The following LMBR1 variants were observed in gnomAD, a reference collection of about 807,000 sequenced individuals.
LMBR1 encodes limb development membrane protein 1, also known as limb region 1 protein homolog.
In LMBR1, 52 loss-of-function variants were observed where a neutral mutation model predicts 73.9. The observed-to-expected ratio is 0.70, with a 90% CI of 0.56 to 0.89. The LOEUF (loss-of-function observed/expected upper bound fraction) is 0.89. LMBR1 is among the 40% of genes least tolerant of loss of function. The pLI is 0.00. For synonymous variants in LMBR1, 215 were observed against 209.4 expected (o/e 1.03, Z -0.23); for missense variants, 539 against 579.8 (o/e 0.93, Z 0.72).
At chr7:156,818,448 C>T (rs959748727) in intron 4 of LMBR1, among the ~76,000 whole-genome samples, 2 of 152,280 alleles carry the variant, frequency 1.3e-5, no homozygotes, top group Admixed American at 6.5e-5. Context: ...CAAAATTGGG[C>T]CCCACTGGGG....
chr7:156,830,066 G>C (rs895554846), intron 3 of LMBR1, among the ~76,000 whole-genome samples: 6 of 152,078 alleles, frequency 3.9e-5, no homozygotes, highest in African/African-American at 1.4e-4. Flanking sequence ...AAATCCATCA[G>C]ATCCTTTTTA....
At chr7:156,684,265 T>G (rs1028734717) in intron 16 of LMBR1, 102 bp from the exon 17 acceptor site, 3 of 934,478 alleles carry the variant, frequency 3.2e-6, no homozygotes, top group East Asian at 2.4e-5. Context: ...TAAGTGTTAT[T>G]TGGAAAGCTG....
At chr7:156,687,564 G>A (rs769256666) in intron 16 of LMBR1, among the ~76,000 whole-genome samples, 7 of 152,062 alleles carry the variant, frequency 4.6e-5, no homozygotes, top group Non-Finnish European at 5.9e-5. Flanking sequence ...GAATGCTAAC[G>A]TTTTCATCTT....
In LMBR1 at chr7:156,680,405, T is replaced by G. The variant is rs62491036; in HGVS notation, c.*3673A>C. ...GAGAGAGAGAGAGAGAGAGAGAGAG[T>G]GTGTGTGTGTGTGTGTGTGTAATGG... is the stretch of plus-strand genomic sequence containing the variant. On this transcript the variant is annotated 3_prime_UTR_variant, in exon 17 of 17. Transcript: ENST00000353442. 1 of 45,940 alleles carries G rather than the reference T, an allele frequency of 2.2e-5. No individual in the cohort carries two copies. Among genetic ancestry groups the G allele is most frequent in the Admixed American group, 2.5e-4 (1 of 3,954 alleles). 2.8% of individuals were successfully genotyped at this position (45,940 alleles called of 1,614,324 possible). A position where few individuals can be genotyped will look rare whatever the true frequency, so the allele number is the denominator to read the frequency against.
chr7:156,889,375 A>G (rs1586496710), intron 1 of LMBR1, among the ~76,000 whole-genome samples: 1 of 118,388 alleles, frequency 8.4e-6, no homozygotes, highest in South Asian at 2.8e-4. Flanking sequence ...ATATATATAT[A>G]TCTTATTATG....
intron 1 of LMBR1, among the ~76,000 whole-genome samples, chr7:156,886,684 G>C (rs896651010): frequency 2.0e-5 from 3 of 152,132 alleles, no homozygotes; most frequent in African/African-American, 7.2e-5. Context: ...CTTATCTGGA[G>C]GCCAGTGCTT....
chr7:156,809,961 A>G (rs1323909555), intron 4 of LMBR1, among the ~76,000 whole-genome samples: 1 of 151,900 alleles, frequency 6.6e-6, no homozygotes, highest in African/African-American at 2.4e-5. Context: ...GTTTCCAAAT[A>G]TTTTTCTCAA....
Position 156,709,896 on chromosome 7 carries a change from ATTTTTTT to A in LMBR1, c.1225+14209_1225+14215del, listed in dbSNP as rs34487923. On this transcript the variant is annotated intron_variant, in intron 15 of 16. Coordinates refer to ENST00000353442, the MANE Select transcript of LMBR1 (RefSeq NM_022458.4). ...GCCAGTTAAAGAATTCAGAAGGTTGATTTTTTTTTTTTTTTTTTTTTTTTTTGAGATG... is the reference window on the plus strand; with the variant it reads ...GCCAGTTAAAGAATTCAGAAGGTTGATTTTTTTTTTTTTTTTTTTGAGATG... 4.8e-4 allele frequency among the ~76,000 whole-genome samples: 43 copies of A among 90,350 alleles called. 2 individuals are homozygous for A. Among genetic ancestry groups the A allele is most frequent in the Admixed American group, 4.1e-3 (30 of 7,394 alleles). The allele number at this position is 90,350 out of a possible 152,430, so 59.3% of individuals were successfully genotyped here.
intron 4 of LMBR1, among the ~76,000 whole-genome samples, chr7:156,818,221 G>T (rs1438310323): frequency 6.6e-6 from 1 of 152,106 alleles, no homozygotes; most frequent in African/African-American, 2.4e-5. Flanking sequence ...ACTTAAAAAT[G>T]AATTTTAAAA....
At chr7:156,743,747 T>C (rs553638755) in intron 9 of LMBR1, among the ~76,000 whole-genome samples, 2 of 152,336 alleles carry the variant, frequency 1.3e-5, no homozygotes, top group South Asian at 2.1e-4. Flanking sequence ...TTTTTAATAC[T>C]CATACTTAGA....
intron 3 of LMBR1, among the ~76,000 whole-genome samples, chr7:156,830,051 C>T (rs757492649): frequency 5.3e-5 from 8 of 152,190 alleles, no homozygotes; most frequent in South Asian, 2.1e-4. Context: ...GTGCTCCTTA[C>T]GGTCAAATCC....
chr7:156,829,864 G>A (rs1427761543), intron 3 of LMBR1, among the ~76,000 whole-genome samples: 3 of 152,128 alleles, frequency 2.0e-5, no homozygotes, highest in Admixed American at 6.5e-5. Flanking sequence ...TTGCTTCACC[G>A]GTTAGTCATC....
intron 1 of LMBR1, among the ~76,000 whole-genome samples, chr7:156,881,801 C>A (rs1326484607): frequency 2.0e-5 from 3 of 148,080 alleles, no homozygotes; most frequent in African/African-American, 7.6e-5. Flanking sequence ...GTTAGGATGG[C>A]TATGATTAAA....
chr7:156,720,424 T>C (rs962592342), intron 15 of LMBR1, among the ~76,000 whole-genome samples: 1 of 152,184 alleles, frequency 6.6e-6, no homozygotes, highest in Non-Finnish European at 1.5e-5. Context: ...ACAGGGCTGT[T>C]TGCCCTGAAA....
At chr7:156,714,841 T>C (rs1812861498) in intron 15 of LMBR1, among the ~76,000 whole-genome samples, 1 of 152,088 alleles carries the variant, frequency 6.6e-6, no homozygotes, top group Non-Finnish European at 1.5e-5. Flanking sequence ...AAGACTGACT[T>C]ACTAAAAACA....
intron 1 of LMBR1, among the ~76,000 whole-genome samples, chr7:156,839,193 G>A (rs771670703): frequency 1.3e-5 from 2 of 151,638 alleles, no homozygotes; most frequent in African/African-American, 2.4e-5. Context: ...GGGACTACAG[G>A]CTCACACCAC....
chr7:156,718,333 G>C (rs1813688284), intron 15 of LMBR1, among the ~76,000 whole-genome samples: 1 of 151,518 alleles, frequency 6.6e-6, no homozygotes, highest in African/African-American at 2.4e-5. Context: ...CCAGGAGGCA[G>C]AGGTTACAGT....
chr7:156,736,475 A>T (rs543385511), intron 9 of LMBR1: 1 of 456,300 alleles, frequency 2.2e-6, no homozygotes, highest in East Asian at 6.9e-5. Context: ...CACATAGCTC[A>T]AAGTGTCAAA....
intron 1 of LMBR1, among the ~76,000 whole-genome samples, chr7:156,853,410 A>C (rs1796520015): frequency 6.7e-6 from 1 of 149,144 alleles, no homozygotes; most frequent in Non-Finnish European, 1.5e-5. Context: ...ATGTTAAAAG[A>C]AAAAAAAAAG....
Sources: allele counts gnomAD v4.1 joint callset (sites outside exome capture counted in the v4.1 genomes callset), GRCh38; gene constraint gnomAD v4.1.1; transcripts MANE v1.5; gene names NCBI Gene and HGNC (gene_info 2026-07-23, HGNC 2026-07-21).